Variants in SPOCK1 observed in about 807,000 individuals in gnomAD.
SPOCK1 encodes the protein testican-1.
Under a neutral mutation model 55.3 loss-of-function variants are expected in SPOCK1, and 23 were observed. The ratio of observed to expected loss-of-function variants is 0.42; its 90% CI spans 0.30 to 0.59. The LOEUF (loss-of-function observed/expected upper bound fraction) is 0.59. Ranked by LOEUF, SPOCK1 falls within the 20% of genes least tolerant of loss-of-function variation. The pLI is 0.22. For missense variants in SPOCK1, 499 were observed against 552.5 expected, an observed-to-expected ratio of 0.90 and a Z score of 0.97; for synonymous variants, 226 against 221.0, an observed-to-expected ratio of 1.02 and a Z score of -0.20.
intron 2 of SPOCK1, among the ~76,000 whole-genome samples, chr5:137,268,739 G>A (rs1285366951): frequency 3.3e-5 from 5 of 150,350 alleles, no homozygotes; most frequent in East Asian, 3.9e-4. Flanking sequence ...AGGATCAACC[G>A]TTCATCCTTC....
intron 2 of SPOCK1, among the ~76,000 whole-genome samples, chr5:137,433,498 AATCCT>A (rs1752793231): frequency 6.6e-6 from 1 of 152,194 alleles, no homozygotes; most frequent in East Asian, 1.9e-4. Context: ...AGATCTGTAG[AATCCT>A]CCAGATGTCT....
At chr5:137,111,931 TC>T (rs980516441) in intron 5 of SPOCK1, among the ~76,000 whole-genome samples, 15 of 152,266 alleles carry the variant, frequency 9.9e-5, no homozygotes, top group Non-Finnish European at 1.8e-4. Context: ...CATCTGTGAA[TC>T]CCTGAGGCAC....
At chr5:136,984,428 A>T (rs1750801014) in intron 9 of SPOCK1, among the ~76,000 whole-genome samples, 3 of 149,962 alleles carry the variant, frequency 2.0e-5, no homozygotes, top group South Asian at 4.2e-4. Context: ...CTCTTTTTTT[A>T]AAAGCAAGGA....
intron 3 of SPOCK1, among the ~76,000 whole-genome samples, chr5:137,259,035 G>A (rs1427977412): frequency 2.0e-5 from 3 of 152,138 alleles, no homozygotes; most frequent in South Asian, 2.1e-4. Context: ...AGGAAGAAAC[G>A]CTCTTTGTAG....
chr5:137,438,799 T>G (rs1215768493), intron 2 of SPOCK1, among the ~76,000 whole-genome samples: 2 of 152,166 alleles, frequency 1.3e-5, no homozygotes, highest in East Asian at 3.8e-4. Context: ...GAGAGAGCAG[T>G]AGGAGGTAGA....
chr5:137,477,386 A>G (rs546918025), intron 2 of SPOCK1, among the ~76,000 whole-genome samples: 7 of 151,848 alleles, frequency 4.6e-5, no homozygotes, highest in African/African-American at 1.7e-4. Flanking sequence ...TTAAGTAGTG[A>G]ATTTATTGTT....
At chr5:137,182,873 T>C (rs1364543827) in intron 3 of SPOCK1, among the ~76,000 whole-genome samples, 4 of 152,174 alleles carry the variant, frequency 2.6e-5, no homozygotes, top group African/African-American at 9.7e-5. Flanking sequence ...CACCTGCCTT[T>C]CAGTTCCAGG....
intron 3 of SPOCK1, among the ~76,000 whole-genome samples, chr5:137,148,648 C>T (rs183317023): frequency 7.0e-4 from 106 of 152,312 alleles, no homozygotes; most frequent in Non-Finnish European, 1.2e-3. Context: ...AGGGGGCTGA[C>T]ATGGAGACAA....
chr5:137,451,978 T>C (rs1468702857), intron 2 of SPOCK1, among the ~76,000 whole-genome samples: 1 of 152,228 alleles, frequency 6.6e-6, no homozygotes, highest in African/African-American at 2.4e-5. Flanking sequence ...TATTTTGCAA[T>C]ACATGCATTA....
intron 2 of SPOCK1, among the ~76,000 whole-genome samples, chr5:137,354,291 A>G (rs1750743319): frequency 6.6e-6 from 1 of 152,094 alleles, no homozygotes; most frequent in Non-Finnish European, 1.5e-5. Flanking sequence ...ATCTTATCAG[A>G]ATAGTGGATG....
At chr5:137,163,365 G>GGTACCC (rs965481813) in intron 3 of SPOCK1, among the ~76,000 whole-genome samples, 4 of 152,124 alleles carry the variant, frequency 2.6e-5, no homozygotes, top group Admixed American at 6.5e-5. Flanking sequence ...AGATACATCT[G>GGTACCC]GTACCCTCCA....
At chr5:137,386,056 C>T (rs192030158) in intron 2 of SPOCK1, among the ~76,000 whole-genome samples, 1 of 152,256 alleles carries the variant, frequency 6.6e-6, no homozygotes, top group Admixed American at 6.5e-5. Context: ...GGTTAATATA[C>T]AAAAGTCAAT....
At chr5:137,278,373 C>T (rs1181219697) in intron 2 of SPOCK1, among the ~76,000 whole-genome samples, 3 of 152,210 alleles carry the variant, frequency 2.0e-5, no homozygotes, top group African/African-American at 7.2e-5. Context: ...TTGGAAGTGA[C>T]ATTTTCCCCA....
chr5:137,159,559 T>C (rs540998248), intron 3 of SPOCK1, among the ~76,000 whole-genome samples: 78 of 152,024 alleles, frequency 5.1e-4, no homozygotes, highest in African/African-American at 1.6e-3. Context: ...ACCCATAGCT[T>C]AGCTCCCACT....
At chr5:137,335,669 C>T (rs1222747139) in intron 2 of SPOCK1, among the ~76,000 whole-genome samples, 2 of 152,194 alleles carry the variant, frequency 1.3e-5, no homozygotes, top group African/African-American at 4.8e-5. Flanking sequence ...TTCAAGTAAG[C>T]ACACCTCCCT....
Position 136,978,564 on chromosome 5 carries a change from C to A in SPOCK1, c.*90G>T. ...ATAGAGAGCAACAATGGAGAAGAGA[C>A]CTTGGTGCCTTGGAGTCTTAGATAC... On this transcript the variant is annotated 3_prime_UTR_variant, in exon 11 of 11. Transcript: ENST00000394945. The A allele has an allele frequency of 7.1e-7, 1 of 1,407,664 alleles. No homozygotes were observed. Among genetic ancestry groups the A allele is most frequent in the Non-Finnish European group, 9.6e-7 (1 of 1,037,804 alleles). The allele number at this position is 1,407,664 out of a possible 1,614,324, so 87.2% of individuals were successfully genotyped here.
intron 2 of SPOCK1, among the ~76,000 whole-genome samples, chr5:137,287,916 A>G (rs1757298129): frequency 6.6e-6 from 1 of 152,210 alleles, no homozygotes; most frequent in African/African-American, 2.4e-5. Context: ...AGAAAATACT[A>G]TTTTCAAGTT....
chr5:137,170,921 T>A (rs186980492), intron 3 of SPOCK1, among the ~76,000 whole-genome samples: 3 of 152,278 alleles, frequency 2.0e-5, no homozygotes, highest in African/African-American at 7.2e-5. Context: ...AGGCTGTGAC[T>A]TGGGGCCTCC....
chr5:137,160,653 A>G (rs1448665949), intron 3 of SPOCK1, among the ~76,000 whole-genome samples: 1 of 97,392 alleles, frequency 1.0e-5, no homozygotes, highest in Non-Finnish European at 1.9e-5. Flanking sequence ...TATTTTATAT[A>G]ATATACAATA....
Sources: allele counts gnomAD v4.1 joint callset (sites outside exome capture counted in the v4.1 genomes callset), GRCh38; gene constraint gnomAD v4.1.1; transcripts MANE v1.5; gene names NCBI Gene and HGNC (gene_info 2026-07-23, HGNC 2026-07-21).